Variants in FAM227B observed in about 807,000 individuals in gnomAD.
The protein encoded by FAM227B is family with sequence similarity 227 member B.
Under a neutral mutation model 73.8 loss-of-function variants are expected in FAM227B, and 88 were observed. That is an observed-to-expected ratio of 1.19 (90% CI 1.00 to 1.42). The LOEUF is 1.42. Among genes scored for constraint, FAM227B ranks in the 40% most tolerant of loss-of-function variants. The pLI, the probability that FAM227B is intolerant of heterozygous loss-of-function variation, is 0.00. For synonymous variants in FAM227B, 210 were observed against 190.5 expected, an observed-to-expected ratio of 1.10 and a Z score of -0.84; for missense variants, 632 against 590.9, an observed-to-expected ratio of 1.07 and a Z score of -0.72.
chr15:49,338,229 G>C (rs1245075892), intron 13 of FAM227B, among the ~76,000 whole-genome samples: 4 of 152,060 alleles, frequency 2.6e-5, no homozygotes, highest in Non-Finnish European at 5.9e-5. Flanking sequence ...TAGCATTGAT[G>C]GTCTTTACAA....
intron 11 of FAM227B, among the ~76,000 whole-genome samples, chr15:49,390,357 A>G (rs2047136881): frequency 6.6e-6 from 1 of 152,022 alleles, no homozygotes; most frequent in African/African-American, 2.4e-5. Context: ...GATTTTACTA[A>G]TGTTTGTCAC....
intron 3 of FAM227B, among the ~76,000 whole-genome samples, chr15:49,595,263 T>C (rs781573199): frequency 3.9e-5 from 6 of 152,120 alleles, no homozygotes; most frequent in African/African-American, 9.7e-5. Flanking sequence ...TATTTGTATA[T>C]AGCAGTGCTA....
chr15:49,437,433 G>A (rs1271026974), intron 11 of FAM227B, among the ~76,000 whole-genome samples: 12 of 151,578 alleles, frequency 7.9e-5, no homozygotes, highest in African/African-American at 2.7e-4. Flanking sequence ...TTAGGACTGC[G>A]CTCCACAAAA....
intron 3 of FAM227B, among the ~76,000 whole-genome samples, chr15:49,600,784 T>C (rs28843724): frequency 0.18 from 27,801 of 151,770 alleles, 3,151 homozygotes; most frequent in Non-Finnish European, 0.25. Flanking sequence ...GGCTCACACT[T>C]ATAATCCCAG....
At chr15:49,548,924 T>C (rs1404344977) in intron 9 of FAM227B, among the ~76,000 whole-genome samples, 1 of 152,224 alleles carries the variant, frequency 6.6e-6, no homozygotes, top group Non-Finnish European at 1.5e-5. Context: ...TAACGATTTG[T>C]CAATTTTTTC....
chr15:49,452,338 C>G (rs1044014563), intron 11 of FAM227B, among the ~76,000 whole-genome samples: 2 of 152,132 alleles, frequency 1.3e-5, no homozygotes, highest in African/African-American at 2.4e-5. Context: ...CAGGTGTGAG[C>G]CACTGCACCC....
intron 13 of FAM227B, among the ~76,000 whole-genome samples, chr15:49,343,259 T>C (rs2041006330): frequency 6.6e-6 from 1 of 152,148 alleles, no homozygotes. Context: ...GACTTGGTTA[T>C]TTTGAAAGAC....
At chr15:49,503,090 G>T (rs529788235) in intron 11 of FAM227B, among the ~76,000 whole-genome samples, 59 of 152,244 alleles carry the variant, frequency 3.9e-4, no homozygotes, top group African/African-American at 1.4e-3. Flanking sequence ...TAGATCAATG[G>T]AACAGAACAG....
intron 11 of FAM227B, among the ~76,000 whole-genome samples, chr15:49,383,164 AAT>A (rs2046651141): frequency 6.6e-6 from 1 of 152,248 alleles, no homozygotes; most frequent in Admixed American, 6.5e-5. Context: ...AACTAGAAAA[AAT>A]ATATGTATAG....
chr15:49,353,471 C>T (rs1331886689), intron 13 of FAM227B: 1 of 152,076 alleles, frequency 6.6e-6, no homozygotes, highest in Non-Finnish European at 1.5e-5. Context: ...ATTTTTAGGC[C>T]TGTATGTTTT....
chr15:49,339,232 G>A (rs763917636), intron 13 of FAM227B, among the ~76,000 whole-genome samples: 9 of 152,196 alleles, frequency 5.9e-5, no homozygotes, highest in African/African-American at 9.7e-5. Context: ...GGAATTTTCA[G>A]TCTTTTTGCG....
At chr15:49,528,328 A>G (rs928121941) in intron 10 of FAM227B, among the ~76,000 whole-genome samples, 11 of 152,000 alleles carry the variant, frequency 7.2e-5, no homozygotes, top group African/African-American at 2.4e-4. Flanking sequence ...CCTATCTCTC[A>G]TCGTATGCAA....
intron 11 of FAM227B, among the ~76,000 whole-genome samples, chr15:49,499,950 T>C (rs138520446): frequency 6.6e-6 from 1 of 152,294 alleles, no homozygotes; most frequent in African/African-American, 2.4e-5. Context: ...ACAAATATTA[T>C]TAAATAGAAT....
chr15:49,618,006 C>G (rs1263951654), intron 1 of FAM227B, among the ~76,000 whole-genome samples: 2 of 152,128 alleles, frequency 1.3e-5, no homozygotes, highest in African/African-American at 4.8e-5. Context: ...GAGTCTTCTC[C>G]CCTCTCTTGA....
intron 13 of FAM227B, among the ~76,000 whole-genome samples, chr15:49,336,527 T>G (rs2039743117): frequency 6.6e-6 from 1 of 152,228 alleles, no homozygotes; most frequent in Non-Finnish European, 1.5e-5. Context: ...CCACTCCCAT[T>G]GTGAAACAAA....
intron 7 of FAM227B, among the ~76,000 whole-genome samples, chr15:49,575,577 A>T (rs2075392697): frequency 6.6e-6 from 1 of 152,112 alleles, no homozygotes; most frequent in Non-Finnish European, 1.5e-5. Flanking sequence ...TTAGATTTAT[A>T]TATAAAGTAG....
At chr15:49,373,359 T>C (rs2045964530) in intron 11 of FAM227B, among the ~76,000 whole-genome samples, 1 of 152,090 alleles carries the variant, frequency 6.6e-6, no homozygotes, top group African/African-American at 2.4e-5. Flanking sequence ...CATCTACATA[T>C]GATGACTAAT....
chr15:49,553,800 C>T (rs1284178007), intron 9 of FAM227B, among the ~76,000 whole-genome samples: 1 of 152,154 alleles, frequency 6.6e-6, no homozygotes, highest in Non-Finnish European at 1.5e-5. Context: ...GGGAAGTGGG[C>T]TCCTCTCTGG....
intron 11 of FAM227B, among the ~76,000 whole-genome samples, chr15:49,505,318 G>A (rs1007413072): frequency 3.3e-5 from 5 of 151,968 alleles, no homozygotes; most frequent in African/African-American, 1.2e-4. Flanking sequence ...TTTTTACCTC[G>A]AGTTGTAATG....
Sources: allele counts gnomAD v4.1 joint callset (sites outside exome capture counted in the v4.1 genomes callset), GRCh38; gene constraint gnomAD v4.1.1; transcripts MANE v1.5; gene names NCBI Gene and HGNC (gene_info 2026-07-23, HGNC 2026-07-21).